PPP1CC: variants seen among roughly 807,000 people sequenced by gnomAD.
PPP1CC encodes the protein serine/threonine-protein phosphatase PP1-gamma catalytic subunit.
In PPP1CC, 16 loss-of-function variants were observed where a neutral mutation model predicts 38.4. That is an observed-to-expected ratio of 0.42 (90% CI 0.28 to 0.63). The LOEUF is 0.63. Ranked by LOEUF, PPP1CC falls within the 30% of genes least tolerant of loss-of-function variation. The probability of loss-of-function intolerance (pLI) is 0.25; values close to 1 mark genes in which losing one functional copy is unlikely to be tolerated. For synonymous variants in PPP1CC, 158 were observed against 136.0 expected (o/e 1.16, Z -1.13); for missense variants, 170 against 391.3 (o/e 0.43, Z 4.77).
chr12:110,708,380 A>C, the PPP1CC span, among the ~76,000 whole-genome samples: 1 of 152,218 alleles, frequency 6.6e-6, no homozygotes, highest in Non-Finnish European at 1.5e-5. Context: ...CATGGCTGAA[A>C]GATATATATG....
At chr12:110,712,473 C>T in the PPP1CC span, among the ~76,000 whole-genome samples, 1 of 150,724 alleles carries the variant, frequency 6.6e-6, no homozygotes. Flanking sequence ...AAACCCGTCT[C>T]AACTAAAAAT....
chr12:110,718,092 A>T (rs1248158157), downstream of PPP1CC, among the ~76,000 whole-genome samples: 1 of 152,130 alleles, frequency 6.6e-6, no homozygotes, highest in Non-Finnish European at 1.5e-5. Context: ...AGCATTCAGT[A>T]ATTTTTTCCT....
At chr12:110,714,587 A>G in the PPP1CC span, among the ~76,000 whole-genome samples, 3 of 151,788 alleles carry the variant, frequency 2.0e-5, no homozygotes, top group African/African-American at 7.3e-5. Flanking sequence ...CAGGCGAATC[A>G]CTTGAGGTCA....
At chr12:110,721,342 G>A (rs979296739) in intron 6 of PPP1CC, 177 bp from the exon 7 acceptor site, 11 of 533,214 alleles carry the variant, frequency 2.1e-5, no homozygotes, top group Admixed American at 3.2e-5. Context: ...GGTAATTAAC[G>A]CTATGACGAA....
chr12:110,732,140 C>T, intron 1 of PPP1CC: 1 of 565,054 alleles, frequency 1.8e-6, no homozygotes. Flanking sequence ...AGGAGCCATC[C>T]TGTCTGTGCG....
At chr12:110,723,058 A>C (rs1174139052) in intron 4 of PPP1CC, among the ~76,000 whole-genome samples, 1 of 152,244 alleles carries the variant, frequency 6.6e-6, no homozygotes, top group Non-Finnish European at 1.5e-5. Context: ...ATAATGACTG[A>C]GCTGAGAAGA....
rs774534130 is a variant in PPP1CC at position 110,730,677 on chromosome 12, A to C, written c.270T>G (p.Leu90=). The change falls in exon 3 of 7, where the codon CTT becomes CTG. Residue 90 remains leucine, a synonymous_variant. Transcript: ENST00000335007. ...GFPPESNYLF[L]GDYVDRGKQS... Reference sequence around the variant, plus strand: ...GCTTTCCCCTGTCCACATAGTCCCCAAGAAACAGGTAGTTGCTTTCTGGTG... The same window carrying C: ...GCTTTCCCCTGTCCACATAGTCCCCCAGAAACAGGTAGTTGCTTTCTGGTG... The C allele has an allele frequency of 1.2e-6, 2 of 1,614,186 alleles. No individual in the cohort carries two copies.
chr12:110,730,427 T>A lies in PPP1CC; in HGVS notation c.418+102A>T, dbSNP rs555877548. 3.2e-6 allele frequency: 3 copies of A among 927,120 alleles called. No homozygotes were observed. In the South Asian group the frequency reaches 5.0e-5, roughly 15 times the overall value. 57.4% of individuals were successfully genotyped at this position (927,120 alleles called of 1,614,324 possible). A position where few individuals can be genotyped will look rare whatever the true frequency, so the allele number is the denominator to read the frequency against. ...TAGAAAACATGAGAGATGATACCAC[T>A]GCATCTAAACTCTCACAATTCCTAA... On this transcript the variant is annotated intron_variant, in intron 3 of 6. Transcript: ENST00000335007.
rs528686748 is a variant in PPP1CC, at chr12:110,722,676, T to C, written c.543A>G (p.Gln181=). The change falls in exon 5 of 7, where the codon CAA becomes CAG. Residue 181 remains glutamine, a synonymous_variant. Coordinates refer to ENST00000335007, the MANE Select transcript of PPP1CC (RefSeq NM_002710.4). The surrounding 1 kb of genome is among the most constrained non-coding windows in gnomAD (Gnocchi z 5.4). ...TAATTCGCCGAATCTGCTCCATAGA[T>C]TGAAGATCTGGTGATAAACCTATTC... The part of the protein sequence containing the change: ...CCHGGLSPDL[Q]SMEQIRRIMR... The C allele has an allele frequency of 8.1e-6, 13 of 1,612,674 alleles. No homozygotes were observed. Among genetic ancestry groups the C allele is most frequent in the East Asian group, 2.2e-5 (1 of 44,876 alleles).
chr12:110,709,914 GA>G, the PPP1CC span, among the ~76,000 whole-genome samples: 5 of 140,442 alleles, frequency 3.6e-5, no homozygotes, highest in African/African-American at 1.3e-4. Context: ...AGTGGATTGT[GA>G]AAAACAAAAA....
chr12:110,736,440 T>TA (rs111881911), intron 1 of PPP1CC, among the ~76,000 whole-genome samples: 2,925 of 152,206 alleles, frequency 0.019, 75 homozygotes, highest in African/African-American at 0.061. Flanking sequence ...GCTCAGGAGT[T>TA]AGAGACTAGC....
intron 1 of PPP1CC, among the ~76,000 whole-genome samples, chr12:110,733,310 G>T (rs901030076): frequency 3.9e-5 from 6 of 152,162 alleles, no homozygotes; most frequent in African/African-American, 1.4e-4. Flanking sequence ...GTTTCAACGT[G>T]AATTTTTTTC....
intron 1 of PPP1CC, among the ~76,000 whole-genome samples, chr12:110,738,903 T>C (rs998159797): frequency 3.3e-5 from 5 of 152,146 alleles, no homozygotes; most frequent in Non-Finnish European, 7.4e-5. Flanking sequence ...GGAGAGGAAG[T>C]GGGCATATGA....
chr12:110,737,888 C>T (rs1010480192), intron 1 of PPP1CC, among the ~76,000 whole-genome samples: 9 of 152,196 alleles, frequency 5.9e-5, no homozygotes, highest in African/African-American at 1.7e-4. Context: ...TTCAGGTCTC[C>T]AGCCTGGGGA....
chr12:110,728,408 A>AAAAAC (rs1555243639), intron 3 of PPP1CC, among the ~76,000 whole-genome samples: 1 of 148,556 alleles, frequency 6.7e-6, no homozygotes, highest in African/African-American at 2.5e-5. Flanking sequence ...AAAAAAAAAA[A>AAAAAC]AAAAAACAAA....
At chr12:110,740,461 T>A (rs1015879144) in intron 1 of PPP1CC, among the ~76,000 whole-genome samples, 1 of 152,092 alleles carries the variant, frequency 6.6e-6, no homozygotes, top group African/African-American at 2.4e-5. Flanking sequence ...AATAAAAAAT[T>A]GTAAAACAGA....
chr12:110,738,614 C>G (rs2069975219), intron 1 of PPP1CC, among the ~76,000 whole-genome samples: 1 of 152,202 alleles, frequency 6.6e-6, no homozygotes, highest in Non-Finnish European at 1.5e-5. Context: ...ATTTCTACAG[C>G]TGACCACTGC....
chr12:110,724,421 T>C (rs1014712007), intron 4 of PPP1CC, among the ~76,000 whole-genome samples: 1 of 152,020 alleles, frequency 6.6e-6, no homozygotes, highest in African/African-American at 2.4e-5. Flanking sequence ...AAAATAAAAA[T>C]TTTCTGCTCT....
At chr12:110,715,521 G>A (rs2069680602), downstream of PPP1CC, among the ~76,000 whole-genome samples, 1 of 151,424 alleles carries the variant, frequency 6.6e-6, no homozygotes, top group Admixed American at 6.6e-5. Context: ...ATAGAGACGG[G>A]GTGTCACCAT....
Sources: gnomAD v4.1 joint callset for allele counts (sites outside exome capture counted in the v4.1 genomes callset) on GRCh38, gnomAD v4.1.1 for gene constraint, Gnocchi (gnomAD v3.1) non-coding constraint, MANE v1.5 for transcripts, NCBI Gene and HGNC (gene_info 2026-07-23, HGNC 2026-07-21) for gene names.